FOXP1: variants seen among roughly 807,000 people sequenced by gnomAD.
The protein encoded by FOXP1 is forkhead box protein P1.
In FOXP1, 15 loss-of-function variants were observed where a neutral mutation model predicts 98.2. The ratio of observed to expected loss-of-function variants is 0.15; its 90% CI spans 0.10 to 0.24. FOXP1 has a LOEUF of 0.24. Among genes scored for constraint, FOXP1 ranks in the 10% least tolerant of loss-of-function variants. FOXP1 has a pLI of 1.00. For synonymous variants in FOXP1, 371 were observed against 314.5 expected (o/e 1.18, Z -1.90); for missense variants, 633 against 848.5 (o/e 0.75, Z 3.15).
At chr3:71,458,394 C>T (rs2087703467) in intron 3 of FOXP1, among the ~76,000 whole-genome samples, 2 of 152,194 alleles carry the variant, frequency 1.3e-5, no homozygotes, top group African/African-American at 2.4e-5. Flanking sequence ...AAAGAAATCA[C>T]CCAGGATCAG....
intron 2 of FOXP1, among the ~76,000 whole-genome samples, 194 bp from the exon 3 acceptor site, chr3:71,493,749 T>C (rs992488350): frequency 3.3e-5 from 5 of 152,214 alleles, no homozygotes; most frequent in African/African-American, 1.2e-4. Flanking sequence ...ATACATTTAC[T>C]AATCACTTCA....
chr3:71,240,279 AG>A (rs1309922375), intron 5 of FOXP1, among the ~76,000 whole-genome samples: 15 of 152,230 alleles, frequency 9.9e-5, no homozygotes, highest in African/African-American at 3.6e-4. Context: ...ACGATGTAGA[AG>A]AGTTTAGTGA....
At chr3:71,225,475 T>C (rs2106674212) in intron 5 of FOXP1, among the ~76,000 whole-genome samples, 1 of 152,314 alleles carries the variant, frequency 6.6e-6, no homozygotes, top group South Asian at 2.1e-4. Context: ...CATTTTAACG[T>C]GAAGCTCTAA....
intron 19 of FOXP1, chr3:70,970,484 TGATACTGCTGATAAATATTAATAAG>T (rs1183173203): frequency 2.0e-6 from 1 of 497,558 alleles, no homozygotes; most frequent in East Asian, 3.6e-5. Flanking sequence ...ATGGAAATTA[TGATACTGCTGATAAATATTAATAAG>T]TGAACTTTTA....
chr3:71,006,987 T>G (rs569127739), intron 12 of FOXP1, among the ~76,000 whole-genome samples: 3 of 152,272 alleles, frequency 2.0e-5, no homozygotes, highest in Admixed American at 6.5e-5. Flanking sequence ...AACTTTTCTA[T>G]CTAATATTCT....
intron 3 of FOXP1, among the ~76,000 whole-genome samples, chr3:71,484,301 A>T (rs548457244): frequency 2.0e-5 from 3 of 152,298 alleles, no homozygotes; most frequent in Non-Finnish European, 4.4e-5. Context: ...ACTCTCATAC[A>T]CTTTGATGAC....
intron 7 of FOXP1, among the ~76,000 whole-genome samples, chr3:71,075,667 T>C (rs536545094): frequency 6.6e-6 from 1 of 152,200 alleles, no homozygotes; most frequent in African/African-American, 2.4e-5. Context: ...TGAAGGAGTA[T>C]GGTGATTTGC....
At chr3:71,495,178 C>T (rs2091321380) in intron 2 of FOXP1, among the ~76,000 whole-genome samples, 2 of 152,204 alleles carry the variant, frequency 1.3e-5, no homozygotes, top group Admixed American at 1.3e-4. Flanking sequence ...CTTGCTATCT[C>T]AGCTTCCCAA....
intron 5 of FOXP1, among the ~76,000 whole-genome samples, chr3:71,227,317 T>C (rs1344073193): frequency 6.6e-6 from 1 of 152,164 alleles, no homozygotes; most frequent in East Asian, 1.9e-4. Flanking sequence ...AAAATTACCG[T>C]GTCTTCCTAT....
chr3:70,972,324 G>A, intron 18 of FOXP1: 1 of 896,722 alleles, frequency 1.1e-6, no homozygotes, highest in South Asian at 1.7e-5. Context: ...GGGTTAATAT[G>A]CATTGCCACC....
In FOXP1 at chr3:71,152,695, G is replaced by A. The variant is rs1399257278; in HGVS notation, c.181-40058C>T. ...GCTCTGTTTCCTTATCTGAAAAATG[G>A]GTATAACACCAGTGCTTACCCCACA... is the stretch of plus-strand genomic sequence containing the variant. On this transcript the variant is annotated intron_variant, in intron 6 of 20. Transcript: ENST00000649528. Among the ~76,000 whole-genome samples, 8 of 152,202 alleles carry A rather than the reference G, an allele frequency of 5.3e-5. No individual in the cohort carries two copies. In the East Asian group the frequency reaches 1.5e-3, roughly 29 times the overall value.
intron 2 of FOXP1, among the ~76,000 whole-genome samples, chr3:71,549,975 AT>A (rs1233581193): frequency 5.9e-5 from 9 of 151,960 alleles, no homozygotes; most frequent in Admixed American, 1.3e-4. Context: ...ATGTCAAAAA[AT>A]TTTTTTTCAA....
chr3:71,445,306 C>A (rs1189140629), intron 3 of FOXP1, among the ~76,000 whole-genome samples: 1 of 152,200 alleles, frequency 6.6e-6, no homozygotes, highest in East Asian at 1.9e-4. Flanking sequence ...TACTGCACAA[C>A]TGAAACGAGT....
At chr3:71,475,395 T>C (rs1468422049) in intron 3 of FOXP1, among the ~76,000 whole-genome samples, 7 of 151,996 alleles carry the variant, frequency 4.6e-5, no homozygotes, top group Non-Finnish European at 1.0e-4. Context: ...TATACCTCCA[T>C]GGCAATCGGG....
chr3:71,456,206 C>T (rs1039422568), intron 3 of FOXP1, among the ~76,000 whole-genome samples: 21 of 152,088 alleles, frequency 1.4e-4, no homozygotes, highest in Admixed American at 2.6e-4. Context: ...ACAAACAAGT[C>T]GCCCTTGCTG....
Position 71,063,072 on chromosome 3 carries a change from A to C in FOXP1, c.283-9299T>G, listed in dbSNP as rs546790981. Among the ~76,000 whole-genome samples the C allele has an allele frequency of 3.9e-5, 6 of 152,330 alleles. No individual in the cohort carries two copies. In the East Asian group the frequency reaches 1.2e-3, roughly 29 times the overall value. On this transcript the variant is annotated intron_variant, in intron 7 of 20. Coordinates refer to ENST00000649528, the MANE Select transcript of FOXP1 (RefSeq NM_001349338.3). Reference sequence around the variant, plus strand: ...CTAATGCAGTACTAATGAACAATAAATCAACTTTGATTATCAAGTGTCAGC... The same window carrying C: ...CTAATGCAGTACTAATGAACAATAACTCAACTTTGATTATCAAGTGTCAGC...
chr3:71,198,429 G>C, intron 5 of FOXP1, 37 bp from the exon 6 acceptor site: 1 of 497,204 alleles, frequency 2.0e-6, no homozygotes, highest in Non-Finnish European at 4.0e-6. Flanking sequence ...GGAGGGAGGG[G>C]GGGAGAAAAA....
At chr3:71,099,491 G>A (rs762470956) in intron 7 of FOXP1, among the ~76,000 whole-genome samples, 2 of 152,066 alleles carry the variant, frequency 1.3e-5, no homozygotes, top group Non-Finnish European at 2.9e-5. Context: ...CAGCCTGGGC[G>A]ACAGATCGAG....
chr3:71,464,290 C>A (rs955987598), intron 3 of FOXP1, among the ~76,000 whole-genome samples: 1 of 152,136 alleles, frequency 6.6e-6, no homozygotes, highest in Non-Finnish European at 1.5e-5. Context: ...AGAAGGAAAA[C>A]AAGGTAACTG....
Sources: allele counts gnomAD v4.1 joint callset (sites outside exome capture counted in the v4.1 genomes callset), GRCh38; gene constraint gnomAD v4.1.1; transcripts MANE v1.5; gene names NCBI Gene and HGNC (gene_info 2026-07-23, HGNC 2026-07-21).